Variants in IQGAP2 observed in about 807,000 individuals in gnomAD.
IQGAP2 encodes the protein IQ motif containing GTPase activating protein 2, also known as ras GTPase-activating-like protein IQGAP2.
Under a neutral mutation model 201.3 loss-of-function variants are expected in IQGAP2, and 173 were observed. The observed-to-expected ratio is 0.86, with a 90% CI of 0.76 to 0.98. The LOEUF (loss-of-function observed/expected upper bound fraction) is 0.98, where lower values mean the gene tolerates loss of function less well. IQGAP2 is among the 50% of genes least tolerant of loss of function. The probability of loss-of-function intolerance (pLI) is 0.00; values close to 1 mark genes in which losing one functional copy is unlikely to be tolerated. For missense variants in IQGAP2, 1,687 were observed against 1,864.8 expected (o/e 0.90, Z 1.76); for synonymous variants, 675 against 673.9 (o/e 1.00, Z -0.03).
rs34251090 is a variant in IQGAP2 at position 76,626,270 on chromosome 5, CTTTT to C, written c.1522-1124_1522-1121del. On this transcript the variant is annotated intron_variant, in intron 13 of 35. Transcript: ENST00000274364. ...TTCTTTTTCTTTTTTTTCTTCTTTT[CTTTT>C]TTTTTTTTTTTTTTTGTGAGACAGA... Among the ~76,000 whole-genome samples the C allele has an allele frequency of 3.2e-4, 27 of 83,654 alleles. No homozygotes were observed. In the South Asian group the frequency reaches 4.9e-3, roughly 15 times the overall value. 54.9% of individuals were successfully genotyped at this position (83,654 alleles called of 152,430 possible).
chr5:76,627,591 T>A, intron 14 of IQGAP2, 91 bp downstream of exon 14: 1 of 745,806 alleles, frequency 1.3e-6, no homozygotes, highest in Non-Finnish European at 2.3e-6. Flanking sequence ...CTGAAAGATT[T>A]GGATTCTTAC....
chr5:76,655,079 C>T, intron 20 of IQGAP2, 76 bp downstream of exon 20: 3 of 984,254 alleles, frequency 3.0e-6, no homozygotes, highest in Non-Finnish European at 4.8e-6. Flanking sequence ...ATATTGGTCA[C>T]TTCAGAGGCT....
At chr5:76,620,957 A>G (rs2069660) in intron 13 of IQGAP2, among the ~76,000 whole-genome samples, 6 of 152,226 alleles carry the variant, frequency 3.9e-5, no homozygotes, top group Non-Finnish European at 7.3e-5. Flanking sequence ...TTATTATTAT[A>G]TAACTTTTTG....
At chr5:76,489,133 G>A (rs1287004464) in intron 2 of IQGAP2, among the ~76,000 whole-genome samples, 1 of 152,046 alleles carries the variant, frequency 6.6e-6, no homozygotes, top group Non-Finnish European at 1.5e-5. Context: ...TCCGTGCCTC[G>A]CAGTGGTAGG....
rs1252797137 is a variant in IQGAP2 at position 76,708,023 on chromosome 5, A to G, written c.*710A>G. The G allele has an allele frequency of 6.6e-6, 1 of 152,632 alleles. No homozygotes were observed. The highest frequency in any genetic ancestry group is 2.4e-5 in the African/African-American group (1 of 41,442). The allele number at this position is 152,632 out of a possible 1,614,324, so 9.5% of individuals were successfully genotyped here. ...CCTCACAATTTATTTGAATACTTCAATTGTGCCTCTCAATTTTTTGTAATG... is the reference window on the plus strand; with the variant it reads ...CCTCACAATTTATTTGAATACTTCAGTTGTGCCTCTCAATTTTTTGTAATG... On this transcript the variant is annotated 3_prime_UTR_variant, in exon 36 of 36. Coordinates refer to ENST00000274364, the MANE Select transcript of IQGAP2 (RefSeq NM_006633.5).
intron 1 of IQGAP2, among the ~76,000 whole-genome samples, chr5:76,435,056 TTTTC>T (rs1752580618): frequency 6.8e-6 from 1 of 147,774 alleles, no homozygotes; most frequent in African/African-American, 2.7e-5. Flanking sequence ...ATTCTTTTTT[TTTTC>T]TTTTTTTTTG....
intron 2 of IQGAP2, among the ~76,000 whole-genome samples, chr5:76,481,945 A>G (rs536505303): frequency 2.6e-5 from 4 of 152,314 alleles, no homozygotes; most frequent in Non-Finnish European, 4.4e-5. Flanking sequence ...GTTGTGTTTC[A>G]TGTATTAGGA....
At position 76,667,579 on chromosome 5, in the gene IQGAP2, G is replaced by A. The variant is rs552208369; in HGVS notation, c.2680-1102G>A. Among the ~76,000 whole-genome samples, 8 of 152,222 alleles carry A rather than the reference G, an allele frequency of 5.3e-5. No individual in the cohort carries two copies. In the East Asian group the frequency reaches 1.5e-3, roughly 29 times the overall value. On this transcript the variant is annotated intron_variant, in intron 22 of 35. Transcript: ENST00000274364. ...CATGAAGGCTGGTTCTGTATCCAAT[G>A]GGTCCATCCTCATCAGAGCCCACAG...
chr5:76,695,835 C>CTTTTTTTTTTTTT (rs56984768), intron 32 of IQGAP2, among the ~76,000 whole-genome samples, 169 bp downstream of exon 32: 2 of 83,102 alleles, frequency 2.4e-5, no homozygotes, highest in African/African-American at 5.1e-5. Flanking sequence ...CAGTTGATGA[C>CTTTTTTTTTTTTT]TTTTTTTTTT....
chr5:76,674,708 A>C lies in IQGAP2; in HGVS notation c.3526A>C (p.Arg1176=), dbSNP rs1400613625. The change falls in exon 27 of 36, where the codon AGG becomes CGG. Residue 1176 remains arginine (R), a splice_region_variant and synonymous_variant. Transcript: ENST00000274364. ...NYLSETYQEF[R]KYFKEACNVP... ...TTTATCAGAGACGTATCAGGAATTCAGGTGAGAGGGGCCCTTAGTTTTGGA... is the reference window on the plus strand; with the variant it reads ...TTTATCAGAGACGTATCAGGAATTCCGGTGAGAGGGGCCCTTAGTTTTGGA... The C allele has an allele frequency of 6.3e-7, 1 of 1,597,662 alleles. No homozygotes were observed. The highest frequency in any genetic ancestry group is 1.7e-5 in the Admixed American group (1 of 59,996).
At chr5:76,488,241 G>A (rs941564402) in intron 2 of IQGAP2, among the ~76,000 whole-genome samples, 1 of 152,226 alleles carries the variant, frequency 6.6e-6, no homozygotes, top group Non-Finnish European at 1.5e-5. Flanking sequence ...AAGGGAAGGA[G>A]AAATTCTTGT....
intron 13 of IQGAP2, chr5:76,618,058 C>A (rs138554256): frequency 6.2e-7 from 1 of 1,614,156 alleles, no homozygotes; most frequent in Non-Finnish European, 8.5e-7. Flanking sequence ...GTTGCCCACA[C>A]CAGTCCACAT....
At chr5:76,547,870 A>C (rs564196959) in intron 2 of IQGAP2, among the ~76,000 whole-genome samples, 2 of 152,142 alleles carry the variant, frequency 1.3e-5, no homozygotes, top group East Asian at 3.9e-4. Flanking sequence ...TGGTCAGCTT[A>C]TTTTCCTGCA....
At chr5:76,466,874 C>T (rs1204703226) in intron 2 of IQGAP2, among the ~76,000 whole-genome samples, 1 of 152,092 alleles carries the variant, frequency 6.6e-6, no homozygotes, top group East Asian at 1.9e-4. Flanking sequence ...AAACTGAAAC[C>T]TTTTCTGATT....
At chr5:76,667,729 T>C (rs1743905564) in intron 22 of IQGAP2, among the ~76,000 whole-genome samples, 1 of 152,204 alleles carries the variant, frequency 6.6e-6, no homozygotes, top group Non-Finnish European at 1.5e-5. Context: ...CTTCTCACTC[T>C]GTGTAGAACA....
intron 30 of IQGAP2, among the ~76,000 whole-genome samples, chr5:76,687,211 C>G (rs922196682): frequency 1.3e-5 from 2 of 152,212 alleles, no homozygotes; most frequent in African/African-American, 4.8e-5. Context: ...AGGCCTTCCT[C>G]TTGGCATACT....
At chr5:76,589,378 AT>A (rs1463340441) in intron 6 of IQGAP2, among the ~76,000 whole-genome samples, 2 of 150,212 alleles carry the variant, frequency 1.3e-5, no homozygotes, top group Non-Finnish European at 3.0e-5. Flanking sequence ...GATTTCCCTT[AT>A]TCCTGTATAT....
intron 5 of IQGAP2, among the ~76,000 whole-genome samples, chr5:76,576,951 T>C (rs1482426022): frequency 6.6e-6 from 1 of 152,222 alleles, no homozygotes; most frequent in Non-Finnish European, 1.5e-5. Flanking sequence ...AAAGTGCTTA[T>C]GTTGAGGAAT....
At chr5:76,675,322 G>A (rs561959165) in intron 27 of IQGAP2, among the ~76,000 whole-genome samples, 28 of 152,062 alleles carry the variant, frequency 1.8e-4, no homozygotes, top group Non-Finnish European at 3.5e-4. Flanking sequence ...TGTGTATGGG[G>A]GTCCTGGAAC....
Sources: allele counts gnomAD v4.1 joint callset (sites outside exome capture counted in the v4.1 genomes callset), GRCh38; gene constraint gnomAD v4.1.1; transcripts MANE v1.5; gene names NCBI Gene and HGNC (gene_info 2026-07-23, HGNC 2026-07-21).